Variants in PIK3CB observed in about 807,000 individuals in gnomAD.
PIK3CB encodes phosphatidylinositol 4,5-bisphosphate 3-kinase catalytic subunit beta isoform.
A neutral mutation model predicts 136.8 loss-of-function variants in PIK3CB; 39 were observed. The ratio of observed to expected loss-of-function variants is 0.29; its 90% CI spans 0.22 to 0.37. PIK3CB has a LOEUF of 0.37. PIK3CB is among the 10% of genes least tolerant of loss of function. The probability of loss-of-function intolerance (pLI) is 1.00; values close to 1 mark genes in which losing one functional copy is unlikely to be tolerated. For missense variants in PIK3CB, 868 were observed against 1,275.4 expected, an observed-to-expected ratio of 0.68 and a Z score of 4.87; for synonymous variants, 428 against 436.6, an observed-to-expected ratio of 0.98 and a Z score of 0.25.
chr3:138,702,680 T>G (rs60605995), intron 12 of PIK3CB, among the ~76,000 whole-genome samples: 140 of 152,348 alleles, frequency 9.2e-4, no homozygotes, highest in African/African-American at 3.4e-3. Flanking sequence ...AATTAACACC[T>G]GTAAGAAATT....
rs2043162337 is a variant in PIK3CB, at chr3:138,654,631, T to C, written c.*758A>G. 4 of 226,238 alleles carry C rather than the reference T, an allele frequency of 1.8e-5. No homozygotes were observed. Among genetic ancestry groups the C allele is most frequent in the Non-Finnish European group, 2.6e-5 (3 of 113,734 alleles). 14.0% of individuals were successfully genotyped at this position (226,238 alleles called of 1,614,324 possible). A position where few individuals can be genotyped will look rare whatever the true frequency, so the allele number is the denominator to read the frequency against. ...GGAAGAACTGGATCACACAGTTACC[T>C]AACTGAAAAGTAACTTAGGAAAAAG... On this transcript the variant is annotated 3_prime_UTR_variant, in exon 24 of 24. Transcript: ENST00000674063.
chr3:138,806,314 C>T (rs1398076651), intron 1 of PIK3CB, among the ~76,000 whole-genome samples: 1 of 152,012 alleles, frequency 6.6e-6, no homozygotes, highest in Non-Finnish European at 1.5e-5. Flanking sequence ...GGCAAAACCT[C>T]GTCTCAACTA....
chr3:138,772,688 G>A (rs2045813814), intron 2 of PIK3CB, among the ~76,000 whole-genome samples: 1 of 148,784 alleles, frequency 6.7e-6, no homozygotes, highest in Non-Finnish European at 1.5e-5. Flanking sequence ...TCCCCAGGCT[G>A]AGCTTGAACT....
At chr3:138,667,569 A>T (rs1043999735) in intron 19 of PIK3CB, among the ~76,000 whole-genome samples, 1 of 151,060 alleles carries the variant, frequency 6.6e-6, no homozygotes, top group South Asian at 2.1e-4. Flanking sequence ...TTATTTATTT[A>T]TTTATTTTTT....
At chr3:138,785,399 G>C (rs1221352762) in intron 2 of PIK3CB, among the ~76,000 whole-genome samples, 1 of 152,206 alleles carries the variant, frequency 6.6e-6, no homozygotes, top group Non-Finnish European at 1.5e-5. Flanking sequence ...GTGGGGAAAA[G>C]AAAGAGATCA....
chr3:138,805,167 T>C (rs1191695158), intron 1 of PIK3CB, among the ~76,000 whole-genome samples: 2 of 151,208 alleles, frequency 1.3e-5, no homozygotes, highest in African/African-American at 2.4e-5. Context: ...AAACCGTCTC[T>C]GCTTAAAATA....
At chr3:138,705,174 C>CAAAAAAAAAAAAAAAAAAAAAAAAA (rs1159172292) in intron 11 of PIK3CB, among the ~76,000 whole-genome samples, 2 of 57,062 alleles carry the variant, frequency 3.5e-5, no homozygotes, top group African/African-American at 8.5e-5. Context: ...AAAAAAAAAA[C>CAAAAAAAAAAAAAAAAAAAAAAAAA]AAAAAACAAA....
At chr3:138,724,119 A>G (rs548116301) in intron 8 of PIK3CB, among the ~76,000 whole-genome samples, 4 of 152,248 alleles carry the variant, frequency 2.6e-5, no homozygotes, top group African/African-American at 9.6e-5. Context: ...GTTCCATAAG[A>G]CTGACTTCCA....
intron 21 of PIK3CB, among the ~76,000 whole-genome samples, chr3:138,662,500 C>T (rs1273113867): frequency 2.0e-5 from 3 of 150,400 alleles, no homozygotes; most frequent in African/African-American, 7.4e-5. Context: ...TTTTCTTAAT[C>T]CAGTCTATCA....
chr3:138,736,633 G>A (rs891063277), intron 6 of PIK3CB, among the ~76,000 whole-genome samples: 6 of 152,170 alleles, frequency 3.9e-5, no homozygotes, highest in African/African-American at 1.2e-4. Context: ...ACCTTATAGG[G>A]AGAGGGGTGC....
intron 10 of PIK3CB, among the ~76,000 whole-genome samples, chr3:138,709,949 G>A (rs1364683431): frequency 6.6e-6 from 1 of 151,126 alleles, no homozygotes; most frequent in Non-Finnish European, 1.5e-5. Context: ...GGCTGAGGAG[G>A]TGAAAATCAC....
intron 12 of PIK3CB, among the ~76,000 whole-genome samples, chr3:138,700,773 C>A (rs1312545331): frequency 2.0e-5 from 3 of 151,868 alleles, no homozygotes; most frequent in Non-Finnish European, 4.4e-5. Flanking sequence ...AAGCCTCTAA[C>A]CTATGTTATA....
chr3:138,732,169 T>C (rs1041037324), intron 8 of PIK3CB, among the ~76,000 whole-genome samples: 1 of 152,194 alleles, frequency 6.6e-6, no homozygotes, highest in African/African-American at 2.4e-5. Context: ...CACACACTTT[T>C]CTTTTCTGAG....
chr3:138,810,163 A>G (rs1932949941), intron 1 of PIK3CB, among the ~76,000 whole-genome samples: 1 of 152,224 alleles, frequency 6.6e-6, no homozygotes, highest in Non-Finnish European at 1.5e-5. Flanking sequence ...GTACAAAATA[A>G]ATATCTACAA....
At chr3:138,700,767 C>T (rs1361130856) in intron 12 of PIK3CB, among the ~76,000 whole-genome samples, 1 of 151,794 alleles carries the variant, frequency 6.6e-6, no homozygotes, top group African/African-American at 2.4e-5. Context: ...GAAGAAAAGC[C>T]TCTAACCTAT....
At chr3:138,744,733 T>C (rs1035068280) in intron 4 of PIK3CB, among the ~76,000 whole-genome samples, 4 of 152,222 alleles carry the variant, frequency 2.6e-5, no homozygotes, top group African/African-American at 9.6e-5. Context: ...GTAAAAAGCA[T>C]TCTTGAATAA....
At chr3:138,778,427 A>G (rs889329603) in intron 2 of PIK3CB, 3 of 306,184 alleles carry the variant, frequency 9.8e-6, no homozygotes, top group Non-Finnish European at 1.9e-5. Flanking sequence ...GGCTTTCCAG[A>G]ACATCACTCC....
intron 8 of PIK3CB, among the ~76,000 whole-genome samples, chr3:138,721,890 T>C (rs990777666): frequency 6.6e-6 from 1 of 152,190 alleles, no homozygotes; most frequent in African/African-American, 2.4e-5. Flanking sequence ...GTCTCATTCA[T>C]AAGGATTCCC....
chr3:138,765,232 G>C (rs2045716970), intron 2 of PIK3CB, among the ~76,000 whole-genome samples: 1 of 152,118 alleles, frequency 6.6e-6, no homozygotes, highest in Non-Finnish European at 1.5e-5. Flanking sequence ...CAGGAGAATT[G>C]CTTGAAACTG....
Sources: allele counts gnomAD v4.1 joint callset (sites outside exome capture counted in the v4.1 genomes callset), GRCh38; gene constraint gnomAD v4.1.1; transcripts MANE v1.5; gene names NCBI Gene and HGNC (gene_info 2026-07-23, HGNC 2026-07-21).